Variants in OR1J2 observed in about 807,000 individuals in gnomAD.
OR1J2 encodes the protein olfactory receptor family 1 subfamily J member 2, also known as olfactory receptor 1J2.
For synonymous variants in OR1J2, 142 were observed against 99.7 expected (o/e 1.42, Z -2.52); for missense variants, 304 against 246.1 (o/e 1.24, Z -1.57).
chr9:122,472,452 T>G, the OR1J2 span, among the ~76,000 whole-genome samples: 1 of 152,216 alleles, frequency 6.6e-6, no homozygotes, highest in South Asian at 2.1e-4. Flanking sequence ...CTGGCAAATT[T>G]TGTAGAAACC....
At chr9:122,526,236 G>T in the OR1J2 span, 9 of 487,926 alleles carry the variant, frequency 1.8e-5, no homozygotes, top group Non-Finnish European at 3.2e-5. Context: ...GAAAACCAAG[G>T]CTCAGAGAGG....
the OR1J2 span, among the ~76,000 whole-genome samples, chr9:122,560,959 A>G: frequency 6.6e-6 from 1 of 151,972 alleles, no homozygotes; most frequent in Non-Finnish European, 1.5e-5. Context: ...TCTTTCAGGT[A>G]CTCCAATCAA....
At chr9:122,470,218 G>A in the OR1J2 span, among the ~76,000 whole-genome samples, 3 of 152,188 alleles carry the variant, frequency 2.0e-5, no homozygotes, top group East Asian at 5.8e-4. Context: ...TGTGGGCAGG[G>A]CCCAGGGTCC....
the OR1J2 span, among the ~76,000 whole-genome samples, chr9:122,522,688 T>C: frequency 6.6e-6 from 1 of 152,164 alleles, no homozygotes; most frequent in African/African-American, 2.4e-5. Flanking sequence ...AAAACATTCT[T>C]TATTTTATAG....
At chr9:122,551,812 T>C in the OR1J2 span, among the ~76,000 whole-genome samples, 45,734 of 151,872 alleles carry the variant, frequency 0.3, 7,417 homozygotes, top group East Asian at 0.54. Context: ...TAAGAGATAT[T>C]CCTGTCTTCT....
chr9:122,502,875 G>A, the OR1J2 span, among the ~76,000 whole-genome samples: 56 of 152,274 alleles, frequency 3.7e-4, no homozygotes, highest in Non-Finnish European at 7.5e-4. Flanking sequence ...AGTATGGTAA[G>A]AGGGGCCACT....
the OR1J2 span, among the ~76,000 whole-genome samples, chr9:122,468,931 ACTCTGACAGACCAG>A: frequency 1.3e-5 from 2 of 152,272 alleles, no homozygotes; most frequent in Non-Finnish European, 1.5e-5. Context: ...TGGCTGCTTA[ACTCTGACAGACCAG>A]CTTTTAATTC....
upstream of OR1J2, among the ~76,000 whole-genome samples, chr9:122,510,187 G>A (rs1387313512): frequency 1.3e-5 from 2 of 152,054 alleles, no homozygotes; most frequent in Admixed American, 1.3e-4. Flanking sequence ...ATTTGAAAAG[G>A]CCACCTCTCA....
the OR1J2 span, chr9:122,552,982 T>C: frequency 3.2e-5 from 18 of 565,542 alleles, no homozygotes; most frequent in Admixed American, 4.5e-4. Flanking sequence ...CAAAGCACAA[T>C]TGAGATTTGA....
chr9:122,557,719 C>A, the OR1J2 span, among the ~76,000 whole-genome samples: 1 of 152,052 alleles, frequency 6.6e-6, no homozygotes, highest in Non-Finnish European at 1.5e-5. Flanking sequence ...TTGCTGGCCT[C>A]ATAGAATGAG....
chr9:122,555,430 T>C, the OR1J2 span, among the ~76,000 whole-genome samples: 2 of 152,174 alleles, frequency 1.3e-5, no homozygotes, highest in Non-Finnish European at 2.9e-5. Context: ...GACTTGGCCC[T>C]GACCATAGCA....
chr9:122,473,289 A>C, the OR1J2 span, among the ~76,000 whole-genome samples: 2 of 152,174 alleles, frequency 1.3e-5, no homozygotes, highest in Non-Finnish European at 2.9e-5. Context: ...CTATAAGGTT[A>C]AGCTTTCTCA....
chr9:122,449,567 C>T, the OR1J2 span, among the ~76,000 whole-genome samples: 2 of 152,102 alleles, frequency 1.3e-5, no homozygotes, highest in South Asian at 2.1e-4. Flanking sequence ...GACAGGTTTT[C>T]GCCATGTTAG....
At chr9:122,477,896 C>T in the OR1J2 span, 34,095 of 1,608,966 alleles carry the variant, frequency 0.021, 439 homozygotes, top group Non-Finnish European at 0.026. Context: ...AGGAGGAACT[C>T]GGACACGCTG....
the OR1J2 span, among the ~76,000 whole-genome samples, chr9:122,491,142 A>G: frequency 6.3e-4 from 96 of 152,320 alleles, no homozygotes; most frequent in African/African-American, 2.3e-3. Flanking sequence ...GTAGAAAATA[A>G]GGAGAACAAA....
At chr9:122,466,668 C>T in the OR1J2 span, among the ~76,000 whole-genome samples, 3 of 152,204 alleles carry the variant, frequency 2.0e-5, no homozygotes, top group Non-Finnish European at 4.4e-5. Context: ...AGAGAGATTG[C>T]TGCAAGAGAA....
At chr9:122,528,766 T>C in the OR1J2 span, among the ~76,000 whole-genome samples, 378 of 152,320 alleles carry the variant, frequency 2.5e-3, 2 homozygotes, top group African/African-American at 8.6e-3. Flanking sequence ...GTCCAACTCC[T>C]CCCTTTGATT....
At chr9:122,552,039 A>ACTCTCTCTCTGTCTCT in the OR1J2 span, among the ~76,000 whole-genome samples, 1 of 89,386 alleles carries the variant, frequency 1.1e-5, no homozygotes, top group Non-Finnish European at 2.1e-5. Context: ...GGACACATAC[A>ACTCTCTCTCTGTCTCT]CACACACACA....
upstream of OR1J2, among the ~76,000 whole-genome samples, chr9:122,508,469 A>C (rs765965652): frequency 1.3e-4 from 20 of 152,168 alleles, no homozygotes; most frequent in Non-Finnish European, 2.4e-4. Context: ...GCCTTTTCTT[A>C]TTAAAGGAAA....
Sources: gnomAD v4.1 joint callset for allele counts (sites outside exome capture counted in the v4.1 genomes callset) on GRCh38, gnomAD v4.1.1 for gene constraint, MANE v1.5 for transcripts, NCBI Gene and HGNC (gene_info 2026-07-23, HGNC 2026-07-21) for gene names.